The following CCSER1 variants were observed in gnomAD, a reference collection of about 807,000 sequenced individuals.
The protein encoded by CCSER1 is coiled-coil serine rich protein 1.
In CCSER1, 41 loss-of-function variants were observed where a neutral mutation model predicts 82.0. That is an observed-to-expected ratio of 0.50 (90% CI 0.39 to 0.65). CCSER1 has a LOEUF of 0.65. CCSER1 is among the 30% of genes least tolerant of loss of function. The pLI, the probability that CCSER1 is intolerant of heterozygous loss-of-function variation, is 0.00. For synonymous variants in CCSER1, 414 were observed against 383.9 expected (o/e 1.08, Z -0.92); for missense variants, 1,119 against 1,064.2 (o/e 1.05, Z -0.72).
chr4:91,216,130 A>G (rs1737217765), intron 10 of CCSER1, among the ~76,000 whole-genome samples: 1 of 152,146 alleles, frequency 6.6e-6, no homozygotes, highest in South Asian at 2.1e-4. Flanking sequence ...ACAAGATGTC[A>G]ACACTGAGCT....
At chr4:91,311,441 T>C (rs1745471684) in intron 10 of CCSER1, among the ~76,000 whole-genome samples, 1 of 151,936 alleles carries the variant, frequency 6.6e-6, no homozygotes, top group South Asian at 2.1e-4. Context: ...ATTTTTTTCC[T>C]AATAGTAGAT....
chr4:91,061,080 T>C (rs2148735763), intron 9 of CCSER1, among the ~76,000 whole-genome samples: 1 of 152,204 alleles, frequency 6.6e-6, no homozygotes, highest in African/African-American at 2.4e-5. Context: ...ATCTTAATAC[T>C]ATTTTTATGC....
intron 10 of CCSER1, among the ~76,000 whole-genome samples, chr4:91,286,335 G>A (rs1040373058): frequency 6.6e-6 from 1 of 151,736 alleles, no homozygotes; most frequent in Non-Finnish European, 1.5e-5. Context: ...GTATAGGTTT[G>A]GTTAGTATTT....
chr4:90,846,196 A>T (rs1763218010), intron 8 of CCSER1, among the ~76,000 whole-genome samples: 1 of 152,160 alleles, frequency 6.6e-6, no homozygotes, highest in Non-Finnish European at 1.5e-5. Flanking sequence ...CTTTAAGGTG[A>T]TTGTTTGCTC....
chr4:90,692,035 G>GTATATA lies in CCSER1; in HGVS notation c.1933-31849_1933-31844dup, dbSNP rs60193331. On this transcript the variant is annotated intron_variant, in intron 6 of 10. Coordinates refer to ENST00000509176, the MANE Select transcript of CCSER1 (RefSeq NM_001145065.2). Reference sequence around the variant, plus strand: ...AATATTCTTTTACAATTCAATGTGTGTATATATATATATATATATATATAT... The same window carrying GTATATA: ...AATATTCTTTTACAATTCAATGTGTGTATATATATATATATATATATATATATATAT... Among the ~76,000 whole-genome samples, 726 of 142,770 alleles carry GTATATA rather than the reference G, an allele frequency of 5.1e-3. 5 individuals are homozygous for GTATATA. Among genetic ancestry groups the GTATATA allele is most frequent in the Admixed American group, 6.1e-3 (86 of 14,088 alleles). The allele number at this position is 142,770 out of a possible 152,430, so 93.7% of individuals were successfully genotyped here.
In CCSER1 at chr4:90,806,859, T is replaced by C. The variant is rs181256948; in HGVS notation, c.2011-8903T>C. ...TGACTGTCCCCTACTCAATCCTGAA[T>C]CCTCTTCTTTTTTTTTTTTCTTCAC... On this transcript the variant is annotated intron_variant, in intron 7 of 10. Transcript: ENST00000509176. Among the ~76,000 whole-genome samples the C allele has an allele frequency of 4.3e-3, 600 of 138,532 alleles. 2 individuals carry two copies. The highest frequency in any genetic ancestry group is 6.7e-3 in the Non-Finnish European group (424 of 63,652). The allele number at this position is 138,532 out of a possible 152,430, so 90.9% of individuals were successfully genotyped here.
At chr4:90,322,943 C>T (rs538092733) in intron 3 of CCSER1, among the ~76,000 whole-genome samples, 6 of 152,128 alleles carry the variant, frequency 3.9e-5, no homozygotes, top group African/African-American at 7.2e-5. Context: ...CTGATGTTTA[C>T]GCAAGGTCCA....
At chr4:90,403,845 A>G (rs2153547555) in intron 4 of CCSER1, 1 of 152,314 alleles carries the variant, frequency 6.6e-6, no homozygotes, top group Admixed American at 6.5e-5. Flanking sequence ...TGCAGATGGG[A>G]GGAAGGACTA....
chr4:90,859,039 A>G (rs1029560521), intron 8 of CCSER1, among the ~76,000 whole-genome samples: 1 of 151,902 alleles, frequency 6.6e-6, no homozygotes, highest in African/African-American at 2.4e-5. Flanking sequence ...AAAGAGAAAG[A>G]TCAAAATGAA....
chr4:90,709,385 G>A (rs1740046307), intron 6 of CCSER1, among the ~76,000 whole-genome samples: 1 of 151,948 alleles, frequency 6.6e-6, no homozygotes, highest in Non-Finnish European at 1.5e-5. Context: ...CCATCACCTA[G>A]GTATTAAGCC....
At chr4:91,545,947 C>G (rs1761868126) in intron 10 of CCSER1, among the ~76,000 whole-genome samples, 1 of 152,042 alleles carries the variant, frequency 6.6e-6, no homozygotes, top group African/African-American at 2.4e-5. Context: ...TTATTAAGTT[C>G]AAGAAGTTCC....
intron 6 of CCSER1, among the ~76,000 whole-genome samples, chr4:90,712,020 A>G (rs1740702658): frequency 6.6e-6 from 1 of 151,270 alleles, no homozygotes; most frequent in Non-Finnish European, 1.5e-5. Flanking sequence ...CTGACTGTGG[A>G]TATTTGAATC....
At chr4:90,985,296 G>A (rs1019179121) in intron 9 of CCSER1, among the ~76,000 whole-genome samples, 20 of 151,050 alleles carry the variant, frequency 1.3e-4, no homozygotes, top group African/African-American at 4.9e-4. Flanking sequence ...TCTTACCTCT[G>A]TTGAAGTGAT....
intron 1 of CCSER1, among the ~76,000 whole-genome samples, chr4:90,193,793 G>A (rs915565647): frequency 6.6e-6 from 1 of 151,986 alleles, no homozygotes; most frequent in South Asian, 2.1e-4. Context: ...TTAAAACATA[G>A]ATGAAGAAAA....
At chr4:91,499,796 T>C (rs1322318085) in intron 10 of CCSER1, among the ~76,000 whole-genome samples, 1 of 152,030 alleles carries the variant, frequency 6.6e-6, no homozygotes, top group Non-Finnish European at 1.5e-5. Context: ...TGTTTCTTCA[T>C]GGCTTGGTGG....
chr4:91,156,302 T>C (rs1049960477), intron 10 of CCSER1, among the ~76,000 whole-genome samples: 1 of 151,774 alleles, frequency 6.6e-6, no homozygotes, highest in Non-Finnish European at 1.5e-5. Context: ...TGGTCAACCA[T>C]TAGATGCTTA....
At chr4:91,106,352 A>G (rs886489734) in intron 10 of CCSER1, among the ~76,000 whole-genome samples, 5 of 152,222 alleles carry the variant, frequency 3.3e-5, no homozygotes, top group African/African-American at 1.2e-4. Context: ...ATTCAAAGCT[A>G]GAAAATATGT....
At chr4:90,217,865 G>A (rs1235055132) in intron 1 of CCSER1, among the ~76,000 whole-genome samples, 1 of 151,992 alleles carries the variant, frequency 6.6e-6, no homozygotes, top group African/African-American at 2.4e-5. Context: ...GTATGATCAT[G>A]GCTCAGTGCA....
chr4:90,533,469 G>A (rs1241290664), intron 5 of CCSER1, among the ~76,000 whole-genome samples: 1 of 152,172 alleles, frequency 6.6e-6, no homozygotes, highest in Admixed American at 6.5e-5. Flanking sequence ...TGGACTCTAA[G>A]GGCCATCAGA....
Sources: gnomAD v4.1 joint callset for allele counts (sites outside exome capture counted in the v4.1 genomes callset) on GRCh38, gnomAD v4.1.1 for gene constraint, MANE v1.5 for transcripts, NCBI Gene and HGNC (gene_info 2026-07-23, HGNC 2026-07-21) for gene names.